Variants in DENND1A observed in about 807,000 individuals in gnomAD.
DENND1A encodes DENN domain-containing protein 1A.
In DENND1A, 51 loss-of-function variants were observed where a neutral mutation model predicts 113.7. The ratio of observed to expected loss-of-function variants is 0.45; its 90% CI spans 0.36 to 0.57. The LOEUF (loss-of-function observed/expected upper bound fraction) is 0.57, where lower values mean the gene tolerates loss of function less well. Ranked by LOEUF, DENND1A falls within the 20% of genes least tolerant of loss-of-function variation. The pLI is 0.00. For synonymous variants in DENND1A, 565 were observed against 570.8 expected (o/e 0.99, Z 0.14); for missense variants, 1,258 against 1,395.9 (o/e 0.90, Z 1.57).
chr9:123,587,604 C>T (rs1444613875), intron 11 of DENND1A, among the ~76,000 whole-genome samples: 7 of 152,150 alleles, frequency 4.6e-5, no homozygotes, highest in Admixed American at 3.3e-4. Context: ...CCACAAGGGT[C>T]GTATTCCATT....
chr9:123,442,850 A>G (rs1324974040), intron 18 of DENND1A, among the ~76,000 whole-genome samples: 2 of 152,192 alleles, frequency 1.3e-5, no homozygotes, highest in African/African-American at 4.8e-5. Flanking sequence ...GGAGACTACC[A>G]CCTGCTTGGC....
chr9:123,887,713 C>A (rs544378875), intron 1 of DENND1A, among the ~76,000 whole-genome samples: 21 of 151,928 alleles, frequency 1.4e-4, no homozygotes, highest in Non-Finnish European at 2.4e-4. Flanking sequence ...GGAGAACCAC[C>A]ATCAAGTCCT....
chr9:123,892,144 G>A, intron 1 of DENND1A, among the ~76,000 whole-genome samples: 1 of 152,172 alleles, frequency 6.6e-6, no homozygotes, highest in East Asian at 1.9e-4. Flanking sequence ...GTGTATGTGA[G>A]GAAATAACTT....
chr9:123,772,327 A>G (rs528153651), intron 3 of DENND1A, among the ~76,000 whole-genome samples: 2 of 152,318 alleles, frequency 1.3e-5, no homozygotes, highest in African/African-American at 4.8e-5. Flanking sequence ...ATTTAAATAT[A>G]TTTTGAGTAC....
At chr9:123,925,553 A>G (rs1414534030) in intron 1 of DENND1A, among the ~76,000 whole-genome samples, 1 of 152,132 alleles carries the variant, frequency 6.6e-6, no homozygotes, top group African/African-American at 2.4e-5. Context: ...TGTGTCCACT[A>G]CTTTAGAAAG....
intron 2 of DENND1A, among the ~76,000 whole-genome samples, chr9:123,866,343 C>T (rs1845792776): frequency 6.6e-6 from 1 of 152,114 alleles, no homozygotes; most frequent in Admixed American, 6.5e-5. Context: ...AACTGTGACA[C>T]ATAAGTGGAA....
At chr9:123,567,100 T>C (rs1461263715) in intron 12 of DENND1A, among the ~76,000 whole-genome samples, 1 of 152,186 alleles carries the variant, frequency 6.6e-6, no homozygotes. Flanking sequence ...TGCATACACA[T>C]ACACACACAT....
chr9:123,712,742 T>C (rs969199720), intron 5 of DENND1A, among the ~76,000 whole-genome samples: 5 of 152,220 alleles, frequency 3.3e-5, no homozygotes, highest in African/African-American at 9.6e-5. Flanking sequence ...CAAAACAGGC[T>C]AATGTGAAAA....
chr9:123,908,677 T>C (rs1356924773), intron 1 of DENND1A, among the ~76,000 whole-genome samples: 1 of 151,150 alleles, frequency 6.6e-6, no homozygotes, highest in East Asian at 2.0e-4. Flanking sequence ...AGAATGGCAA[T>C]CATTAAAAAG....
At chr9:123,394,966 A>G (rs1168399838) in intron 21 of DENND1A, among the ~76,000 whole-genome samples, 1 of 152,234 alleles carries the variant, frequency 6.6e-6, no homozygotes, top group Non-Finnish European at 1.5e-5. Context: ...GACTGAGGGT[A>G]CGTCATTCCA....
chr9:123,675,619 T>G (rs1236912088), intron 6 of DENND1A, among the ~76,000 whole-genome samples: 1 of 152,180 alleles, frequency 6.6e-6, no homozygotes, highest in Non-Finnish European at 1.5e-5. Flanking sequence ...AAGAAAAATA[T>G]AAGACATTAG....
chr9:123,817,853 C>T (rs1837752101), intron 2 of DENND1A, among the ~76,000 whole-genome samples: 1 of 151,836 alleles, frequency 6.6e-6, no homozygotes, highest in Non-Finnish European at 1.5e-5. Flanking sequence ...AAGGTGAAAC[C>T]TCCTCTATAC....
At chr9:123,416,764 T>C (rs2044762023) in intron 19 of DENND1A, among the ~76,000 whole-genome samples, 1 of 152,116 alleles carries the variant, frequency 6.6e-6, no homozygotes, top group Non-Finnish European at 1.5e-5. Context: ...GAAAAACACA[T>C]CTGGAGGGGA....
chr9:123,707,696 T>A (rs1371734237), intron 5 of DENND1A, among the ~76,000 whole-genome samples: 1 of 152,150 alleles, frequency 6.6e-6, no homozygotes, highest in Non-Finnish European at 1.5e-5. Context: ...AGTGGAAGCC[T>A]GATTGGAATG....
intron 19 of DENND1A, chr9:123,414,289 C>T (rs754632051): frequency 3.3e-5 from 45 of 1,367,348 alleles, no homozygotes; most frequent in Non-Finnish European, 4.0e-5. Context: ...GTTCTTTGCA[C>T]AGTGCCACCA....
intron 13 of DENND1A, among the ~76,000 whole-genome samples, chr9:123,555,051 T>G (rs1000595191): frequency 6.6e-6 from 1 of 152,236 alleles, no homozygotes; most frequent in African/African-American, 2.4e-5. Flanking sequence ...CATTTCCTTT[T>G]GCAACTAGGG....
chr9:123,510,936 C>T (rs576193728), intron 13 of DENND1A, among the ~76,000 whole-genome samples: 1 of 152,290 alleles, frequency 6.6e-6, no homozygotes, highest in Admixed American at 6.5e-5. Flanking sequence ...GTAGGGGAGA[C>T]TCGAGCATGG....
At chr9:123,867,974 A>C (rs1219561922) in intron 2 of DENND1A, among the ~76,000 whole-genome samples, 1 of 152,218 alleles carries the variant, frequency 6.6e-6, no homozygotes, top group Admixed American at 6.5e-5. Context: ...CCAACACAGA[A>C]GACAGAGAAT....
At chr9:123,555,645 G>A (rs1412345061) in intron 13 of DENND1A, among the ~76,000 whole-genome samples, 2 of 152,198 alleles carry the variant, frequency 1.3e-5, no homozygotes, top group Non-Finnish European at 2.9e-5. Context: ...TCATTTCACA[G>A]ATGAAGAAAC....
Sources: allele counts gnomAD v4.1 joint callset (sites outside exome capture counted in the v4.1 genomes callset), GRCh38; gene constraint gnomAD v4.1.1; transcripts MANE v1.5; gene names NCBI Gene and HGNC (gene_info 2026-07-23, HGNC 2026-07-21).